KALRN: variants seen among roughly 807,000 people sequenced by gnomAD.
KALRN encodes the protein kalirin RhoGEF kinase.
KALRN carries 70 observed loss-of-function variants against 353.7 expected under a neutral mutation model. The observed-to-expected ratio is 0.20, with a 90% CI of 0.16 to 0.24. The LOEUF is 0.24. Among genes scored for constraint, KALRN ranks in the 10% least tolerant of loss-of-function variants. The probability of loss-of-function intolerance (pLI) is 1.00; values close to 1 mark genes in which losing one functional copy is unlikely to be tolerated. For synonymous variants in KALRN, 1,391 were observed against 1,434.8 expected, an observed-to-expected ratio of 0.97 and a Z score of 0.69; for missense variants, 2,791 against 3,756.7, an observed-to-expected ratio of 0.74 and a Z score of 6.72.
chr3:124,664,360 T>TGTGC lies in KALRN; in HGVS notation c.6346-2086_6346-2085insCGTG, dbSNP rs1553719689. Among the ~76,000 whole-genome samples the TGTGC allele has an allele frequency of 1.7e-4, 21 of 123,908 alleles. 1 individual carries two copies. The highest frequency in any genetic ancestry group is 6.8e-4 in the African/African-American group (20 of 29,384). 81.3% of individuals were successfully genotyped at this position (123,908 alleles called of 152,430 possible). A position where few individuals can be genotyped will look rare whatever the true frequency, so the allele number is the denominator to read the frequency against. Reference sequence around the variant, plus strand: ...GTGTGTGTGTGTGTGTGTGTGTGTGTGTGTGTGTGTGCGCGCGCGCGCATA... The same window carrying TGTGC: ...GTGTGTGTGTGTGTGTGTGTGTGTGTGTGCGTGTGTGTGTGCGCGCGCGCGCATA... On this transcript the variant is annotated intron_variant, in intron 45 of 59. Coordinates refer to ENST00000682506, the MANE Select transcript of KALRN (RefSeq NM_001388419.1).
chr3:124,693,677 T>C, intron 51 of KALRN, 127 bp from the exon 52 acceptor site: 1 of 568,076 alleles, frequency 1.8e-6, no homozygotes, highest in East Asian at 3.0e-5. Flanking sequence ...CACAACACAG[T>C]GGGAAGTTGG....
In KALRN at chr3:124,474,625, A is replaced by T. The variant is rs141660253; in HGVS notation, c.4032-38A>T. On this transcript the variant is annotated intron_variant, in intron 25 of 59. Transcript: ENST00000682506. ...TGCAATCCTCTGGGGGGTCAGCTGC[A>T]CAGAGGTGTCTGATTCAGTCTTTTT... is the stretch of plus-strand genomic sequence containing the variant. The T allele has an allele frequency of 4.9e-4, 760 of 1,559,930 alleles. 2 individuals are homozygous for T. The African/African-American group carries it at 9.2e-3, about 19-fold the overall frequency.
At chr3:124,678,802 C>T (rs953835756) in intron 50 of KALRN, among the ~76,000 whole-genome samples, 2 of 152,148 alleles carry the variant, frequency 1.3e-5, no homozygotes, top group Non-Finnish European at 2.9e-5. Context: ...CAACTTCAGG[C>T]CATTTTACTT....
chr3:124,655,523 AC>A, intron 38 of KALRN, 77 bp from the exon 39 acceptor site: 1 of 1,160,396 alleles, frequency 8.6e-7, no homozygotes, highest in South Asian at 1.2e-5. Flanking sequence ...TGCCAAAGTA[AC>A]TTTTCTGTGA....
intron 5 of KALRN, among the ~76,000 whole-genome samples, chr3:124,296,425 C>T (rs1036572734): frequency 6.6e-6 from 1 of 152,210 alleles, no homozygotes; most frequent in Non-Finnish European, 1.5e-5. Context: ...AATCCTGCTC[C>T]CAGTAGCTCT....
chr3:124,086,730 T>C (rs2060845825), intron 1 of KALRN, among the ~76,000 whole-genome samples: 1 of 152,200 alleles, frequency 6.6e-6, no homozygotes, highest in African/African-American at 2.4e-5. Context: ...CAAAAATTAG[T>C]ACAAAATAAA....
intron 5 of KALRN, among the ~76,000 whole-genome samples, chr3:124,277,752 C>G (rs1192232165): frequency 6.6e-6 from 1 of 152,214 alleles, no homozygotes. Flanking sequence ...GCTTGGCTCC[C>G]TTCCACGGTT....
At chr3:124,096,641 A>C (rs2061467255) in intron 1 of KALRN, 1 of 152,252 alleles carries the variant, frequency 6.6e-6, no homozygotes, top group Non-Finnish European at 1.5e-5. Flanking sequence ...TTCTGGCTCC[A>C]TTGCCTTCTA....
chr3:124,607,880 C>G (rs1343256979), intron 34 of KALRN, among the ~76,000 whole-genome samples: 1 of 152,214 alleles, frequency 6.6e-6, no homozygotes, highest in Non-Finnish European at 1.5e-5. Flanking sequence ...GTTGGGATTA[C>G]TGGTGTGAGC....
At chr3:124,172,970 G>C (rs1046715330) in intron 1 of KALRN, among the ~76,000 whole-genome samples, 5 of 152,158 alleles carry the variant, frequency 3.3e-5, no homozygotes, top group African/African-American at 1.2e-4. Context: ...CAGAGCTGCT[G>C]CAATCAGCCT....
At chr3:124,299,287 T>C (rs2077081331) in intron 6 of KALRN, among the ~76,000 whole-genome samples, 1 of 152,106 alleles carries the variant, frequency 6.6e-6, no homozygotes, top group Admixed American at 6.5e-5. Context: ...CTGTGGCACA[T>C]TGGAAATGGT....
At chr3:124,662,172 A>G (rs2084960038) in intron 45 of KALRN, among the ~76,000 whole-genome samples, 1 of 146,556 alleles carries the variant, frequency 6.8e-6, no homozygotes, top group Non-Finnish European at 1.5e-5. Context: ...AATTCCAAGG[A>G]GATTGGAAAG....
chr3:124,577,363 A>T (rs915766617), intron 34 of KALRN, among the ~76,000 whole-genome samples: 4 of 152,194 alleles, frequency 2.6e-5, no homozygotes. Flanking sequence ...GACTGAGCTC[A>T]GTAATGGTTC....
Position 124,682,717 on chromosome 3 carries a change from C to T in KALRN, c.7377+3200C>T, listed in dbSNP as rs1488672968. Among the ~76,000 whole-genome samples the T allele has an allele frequency of 6.6e-5, 10 of 152,078 alleles. No individual in the cohort carries two copies. In the East Asian group the frequency reaches 1.7e-3, roughly 26 times the overall value. On this transcript the variant is annotated intron_variant, in intron 51 of 59. Transcript: ENST00000682506. ...ATGGTGTTTTGGGGAGATATACAGG[C>T]GCATCCTTGAAGGTTAATTAAGAAG...
intron 3 of KALRN, among the ~76,000 whole-genome samples, chr3:124,254,094 G>A (rs1309863761): frequency 1.3e-5 from 2 of 152,188 alleles, no homozygotes; most frequent in Non-Finnish European, 2.9e-5. Context: ...ACCATGAGGA[G>A]GATGGTCCTT....
At chr3:124,126,819 C>T (rs1412140804) in intron 1 of KALRN, among the ~76,000 whole-genome samples, 1 of 152,200 alleles carries the variant, frequency 6.6e-6, no homozygotes, top group Non-Finnish European at 1.5e-5. Context: ...GGCAAATGGC[C>T]AAGAAAGCCC....
chr3:124,346,188 C>T (rs1638632002), intron 9 of KALRN, among the ~76,000 whole-genome samples: 1 of 152,112 alleles, frequency 6.6e-6, no homozygotes, highest in Non-Finnish European at 1.5e-5. Context: ...AAGATGATCT[C>T]TGGGATACAC....
intron 33 of KALRN, among the ~76,000 whole-genome samples, chr3:124,537,395 T>C (rs920089655): frequency 1.3e-5 from 2 of 152,168 alleles, no homozygotes; most frequent in African/African-American, 4.8e-5. Context: ...GGTACAGGAA[T>C]GTAGACAAAT....
At chr3:124,034,154 C>T (rs1229933211) in intron 1 of KALRN, among the ~76,000 whole-genome samples, 1 of 151,892 alleles carries the variant, frequency 6.6e-6, no homozygotes, top group Non-Finnish European at 1.5e-5. Flanking sequence ...CTCCGGCTAC[C>T]GGCGTCCCGG....
Sources: allele counts gnomAD v4.1 joint callset (sites outside exome capture counted in the v4.1 genomes callset), GRCh38; gene constraint gnomAD v4.1.1; transcripts MANE v1.5; gene names NCBI Gene and HGNC (gene_info 2026-07-23, HGNC 2026-07-21).